The following PRKCA variants were observed in gnomAD, a reference collection of about 807,000 sequenced individuals.
PRKCA encodes the protein protein kinase C alpha type.
PRKCA carries 27 observed loss-of-function variants against 87.0 expected under a neutral mutation model. The observed-to-expected ratio is 0.31, with a 90% CI of 0.23 to 0.43. The LOEUF is 0.43. Among genes scored for constraint, PRKCA ranks in the 20% least tolerant of loss-of-function variants. PRKCA has a pLI of 1.00. For synonymous variants in PRKCA, 329 were observed against 311.1 expected (o/e 1.06, Z -0.61); for missense variants, 518 against 852.3 (o/e 0.61, Z 4.88).
intron 2 of PRKCA, among the ~76,000 whole-genome samples, chr17:66,464,767 CTTT>C (rs138122122): frequency 0.015 from 2,302 of 152,132 alleles, 62 homozygotes; most frequent in African/African-American, 0.053. Flanking sequence ...TATAATACTT[CTTT>C]ATCAGATTTA....
chr17:66,497,973 C>T (rs771936572), intron 3 of PRKCA, among the ~76,000 whole-genome samples: 18 of 152,146 alleles, frequency 1.2e-4, no homozygotes, highest in East Asian at 3.9e-4. Flanking sequence ...CACATACACA[C>T]GGGTTCCACA....
intron 14 of PRKCA, among the ~76,000 whole-genome samples, chr17:66,779,289 G>A (rs1233074222): frequency 6.6e-6 from 1 of 152,066 alleles, no homozygotes; most frequent in African/African-American, 2.4e-5. Flanking sequence ...CAGCCAAGGG[G>A]GCAGTTAAGA....
intron 2 of PRKCA, among the ~76,000 whole-genome samples, chr17:66,450,214 T>C (rs548533970): frequency 5.9e-5 from 9 of 152,170 alleles, no homozygotes; most frequent in Non-Finnish European, 5.9e-5. Flanking sequence ...GAGAGAGAGA[T>C]GCTCATCGGG....
At chr17:66,727,619 C>G (rs1973788626) in intron 8 of PRKCA, among the ~76,000 whole-genome samples, 1 of 147,038 alleles carries the variant, frequency 6.8e-6, no homozygotes, top group Non-Finnish European at 1.5e-5. Flanking sequence ...TTTTGCTAGT[C>G]CCGTGAAACT....
chr17:66,547,252 A>G (rs1341682126), intron 3 of PRKCA, among the ~76,000 whole-genome samples: 1 of 152,144 alleles, frequency 6.6e-6, no homozygotes, highest in Non-Finnish European at 1.5e-5. Flanking sequence ...TTCCCTTTCA[A>G]AACCAAGACA....
chr17:66,677,077 T>TTATTTATTTATTTATTTATG (rs1244982205), intron 5 of PRKCA: 2 of 150,622 alleles, frequency 1.3e-5, no homozygotes, highest in Admixed American at 1.3e-4. Context: ...CAGCTTATTT[T>TTATTTATTTATTTATTTATG]TATTTATTTA....
At chr17:66,470,584 G>A (rs1204399155) in intron 2 of PRKCA, among the ~76,000 whole-genome samples, 2 of 151,988 alleles carry the variant, frequency 1.3e-5, no homozygotes, top group Admixed American at 6.6e-5. Context: ...TACCTGGCCC[G>A]GCCTGGCTTT....
At chr17:66,529,078 G>T (rs1177466071) in intron 3 of PRKCA, among the ~76,000 whole-genome samples, 1 of 152,106 alleles carries the variant, frequency 6.6e-6, no homozygotes, top group African/African-American at 2.4e-5. Context: ...CCTCTCTCTG[G>T]TTTTCAGTAG....
intron 14 of PRKCA, among the ~76,000 whole-genome samples, chr17:66,780,487 C>A (rs1975178169): frequency 6.6e-6 from 1 of 151,902 alleles, no homozygotes; most frequent in Admixed American, 6.6e-5. Flanking sequence ...ACCAGCCTGG[C>A]CAAGATGGTG....
At chr17:66,522,552 G>A (rs1411626914) in intron 3 of PRKCA, among the ~76,000 whole-genome samples, 1 of 152,214 alleles carries the variant, frequency 6.6e-6, no homozygotes, top group African/African-American at 2.4e-5. Context: ...AGCGCCAGGT[G>A]CCGTGTGCTT....
At chr17:66,776,076 G>A (rs1260872304) in intron 14 of PRKCA, among the ~76,000 whole-genome samples, 1 of 152,238 alleles carries the variant, frequency 6.6e-6, no homozygotes, top group Non-Finnish European at 1.5e-5. Flanking sequence ...CTAAGGCCAG[G>A]GAATGTGCAG....
chr17:66,575,366 G>T (rs955929549), intron 3 of PRKCA, among the ~76,000 whole-genome samples: 3 of 152,116 alleles, frequency 2.0e-5, no homozygotes, highest in African/African-American at 7.2e-5. Flanking sequence ...ATCACCTGAG[G>T]TCAAGAGTTC....
chr17:66,779,194 C>A (rs1317715142), intron 14 of PRKCA, among the ~76,000 whole-genome samples: 2 of 152,126 alleles, frequency 1.3e-5, no homozygotes, highest in Admixed American at 1.3e-4. Flanking sequence ...CTAAGTTTGT[C>A]CTCTTTAATC....
chr17:66,567,048 T>C (rs1340326306), intron 3 of PRKCA, among the ~76,000 whole-genome samples: 2 of 152,220 alleles, frequency 1.3e-5, no homozygotes, highest in Admixed American at 6.5e-5. Flanking sequence ...CATTTTCCAC[T>C]GCAAGTAAGA....
intron 3 of PRKCA, among the ~76,000 whole-genome samples, chr17:66,545,301 T>C (rs962963133): frequency 2.0e-4 from 31 of 152,078 alleles, no homozygotes; most frequent in Admixed American, 5.2e-4. Context: ...TGGTGGCGGG[T>C]GCCTGTAGTC....
chr17:66,752,468 C>T (rs991642932), intron 13 of PRKCA, among the ~76,000 whole-genome samples: 5 of 152,114 alleles, frequency 3.3e-5, no homozygotes, highest in African/African-American at 4.8e-5. Flanking sequence ...TGGTGGTGGG[C>T]ACCTGTGTAG....
At chr17:66,350,086 A>G (rs12150367) in intron 2 of PRKCA, among the ~76,000 whole-genome samples, 6,797 of 152,304 alleles carry the variant, frequency 0.045, 216 homozygotes, top group Admixed American at 0.077. Flanking sequence ...CCTCAGAGCG[A>G]TGGCCTTTCA....
At chr17:66,372,288 A>C (rs536969523) in intron 2 of PRKCA, among the ~76,000 whole-genome samples, 1 of 152,300 alleles carries the variant, frequency 6.6e-6, no homozygotes, top group East Asian at 1.9e-4. Flanking sequence ...ACAATGGCAA[A>C]ATTAGAAGTC....
At chr17:66,672,318 G>GAAAT (rs1160791132) in intron 5 of PRKCA, among the ~76,000 whole-genome samples, 2 of 152,090 alleles carry the variant, frequency 1.3e-5, no homozygotes, top group African/African-American at 4.8e-5. Flanking sequence ...AAGTCAGGCA[G>GAAAT]AAATAAATAC....
Sources: allele counts gnomAD v4.1 joint callset (sites outside exome capture counted in the v4.1 genomes callset), GRCh38; gene constraint gnomAD v4.1.1; transcripts MANE v1.5; gene names NCBI Gene and HGNC (gene_info 2026-07-23, HGNC 2026-07-21).